Variants in CRACD observed in about 807,000 individuals in gnomAD.
CRACD encodes the protein capping protein-inhibiting regulator of actin dynamics.
Under a neutral mutation model 106.8 loss-of-function variants are expected in CRACD, and 56 were observed. The observed-to-expected ratio is 0.52, with a 90% confidence interval of 0.42 to 0.66. The LOEUF (loss-of-function observed/expected upper bound fraction) is 0.66. Ranked by LOEUF, CRACD falls within the 30% of genes least tolerant of loss-of-function variation. The pLI is 0.00. For synonymous variants in CRACD, 754 were observed against 670.8 expected (o/e 1.12, Z -1.92); for missense variants, 1,730 against 1,623.2 (o/e 1.07, Z -1.13).
Position 56,316,415 on chromosome 4 carries a change from C to G in CRACD, c.2913C>G (p.Thr971=). 6.2e-7 allele frequency: 1 copy of G among 1,614,138 alleles called. No homozygotes were observed. Among genetic ancestry groups the G allele is most frequent in the Non-Finnish European group, 8.5e-7 (1 of 1,179,966 alleles). Residue 971 remains threonine, a synonymous_variant, in exon 8 of 11, where the codon ACC becomes ACG. Coordinates refer to ENST00000682029, the MANE Select transcript of CRACD (RefSeq NM_001393381.1). ...TGGCTCCCAAGCCCACCAGTCAGAC[C>G]CCACCAGCATCCCCACTTTCCAAAC... ...PALAPKPTSQ[T]PPASPLSKLS...
At chr4:56,262,902 TATAG>T (rs1207975022) in intron 2 of CRACD, among the ~76,000 whole-genome samples, 2 of 152,328 alleles carry the variant, frequency 1.3e-5, no homozygotes, top group East Asian at 3.9e-4. Flanking sequence ...AATATACCTG[TATAG>T]AGTTGTAAAA....
intron 8 of CRACD, among the ~76,000 whole-genome samples, chr4:56,318,878 TACTTAC>T (rs1413519742): frequency 2.0e-5 from 3 of 152,236 alleles, no homozygotes; most frequent in Non-Finnish European, 4.4e-5. Flanking sequence ...GCACCAGCTA[TACTTAC>T]ACTTAACAAC....
chr4:56,085,798 A>G (rs1733198481), intron 1 of CRACD, among the ~76,000 whole-genome samples: 1 of 152,122 alleles, frequency 6.6e-6, no homozygotes. Flanking sequence ...TGAACTGACA[A>G]TTTTTAGATA....
At chr4:56,108,979 A>G (rs370478158) in intron 1 of CRACD, among the ~76,000 whole-genome samples, 1,589 of 152,266 alleles carry the variant, frequency 0.01, 19 homozygotes, top group East Asian at 0.065. Flanking sequence ...GGCCTGGATA[A>G]TATCCAGCCT....
chr4:56,147,471 C>A (rs1173578141), intron 1 of CRACD, among the ~76,000 whole-genome samples: 1 of 152,162 alleles, frequency 6.6e-6, no homozygotes, highest in Non-Finnish European at 1.5e-5. Context: ...GACCTACATT[C>A]TGTCTGTATG....
chr4:56,266,782 A>G (rs1742046879), intron 2 of CRACD, among the ~76,000 whole-genome samples: 1 of 152,202 alleles, frequency 6.6e-6, no homozygotes, highest in Admixed American at 6.5e-5. Flanking sequence ...AGCATCATAA[A>G]CTGACCATAA....
At position 56,316,500 on chromosome 4, in the gene CRACD, C is replaced by T. The variant is rs1333990857; in HGVS notation, c.2998C>T (p.Pro1000Ser). ...SRRAGRPDPE[P>S]SEPSKEDQES... ...CCGAGCGGGGAGGCCGGACCCAGAG[C>T]CAAGTGAGCCGTCCAAGGAGGACCA... is the stretch of plus-strand genomic sequence containing the variant. The change falls in exon 8 of 11, where the codon CCA becomes TCA. Residue 1000 changes from proline (P) to serine (S), a missense_variant. By Grantham distance (74) the Pro-to-Ser change is moderately conservative. Coordinates refer to ENST00000682029, the MANE Select transcript of CRACD (RefSeq NM_001393381.1). 1 of 1,613,644 alleles carries T rather than the reference C, an allele frequency of 6.2e-7. No homozygotes were observed. The highest frequency in any genetic ancestry group is 1.3e-5 in the African/African-American group (1 of 74,926).
rs11305512 is a variant in CRACD, at chr4:56,088,132, C to CT, written c.-336+38850dup. ...GCTCCTCCATCTCTCTAGATTGTTT[C>CT]TTTTTTTTTTTTTTTTTCTTTTCAG... On this transcript the variant is annotated intron_variant, in intron 1 of 10. Transcript: ENST00000682029. Among the ~76,000 whole-genome samples, 244 of 131,912 alleles carry CT rather than the reference C, an allele frequency of 1.8e-3. 2 individuals are homozygous for CT. Among genetic ancestry groups the CT allele is most frequent in the Admixed American group, 4.4e-3 (58 of 13,320 alleles). 86.5% of individuals were successfully genotyped at this position (131,912 alleles called of 152,430 possible).
intron 3 of CRACD, among the ~76,000 whole-genome samples, chr4:56,291,257 A>G (rs1264584953): frequency 6.6e-6 from 1 of 152,204 alleles, no homozygotes; most frequent in Non-Finnish European, 1.5e-5. Flanking sequence ...GGAGAGGTGG[A>G]GTTGGCCTGC....
chr4:56,106,640 C>T (rs1733956417), intron 1 of CRACD, among the ~76,000 whole-genome samples: 1 of 152,220 alleles, frequency 6.6e-6, no homozygotes, highest in Non-Finnish European at 1.5e-5. Flanking sequence ...AAGCAAATAG[C>T]AGACCGGCTT....
At chr4:56,140,734 G>A (rs1470325821) in intron 1 of CRACD, among the ~76,000 whole-genome samples, 1 of 152,176 alleles carries the variant, frequency 6.6e-6, no homozygotes, top group Non-Finnish European at 1.5e-5. Flanking sequence ...CTTTTGCCCT[G>A]TCCATCAGGT....
chr4:56,059,832 C>T (rs138864112), intron 1 of CRACD, among the ~76,000 whole-genome samples: 1,645 of 152,094 alleles, frequency 0.011, 30 homozygotes, highest in African/African-American at 0.037. Context: ...TACAGGCATG[C>T]GCCACCACAC....
intron 1 of CRACD, among the ~76,000 whole-genome samples, chr4:56,121,069 A>G (rs1247974986): frequency 6.6e-6 from 1 of 152,196 alleles, no homozygotes; most frequent in Admixed American, 6.5e-5. Context: ...TATAACCTGG[A>G]CTGGATCATT....
At chr4:56,166,055 G>T (rs962071574) in intron 1 of CRACD, among the ~76,000 whole-genome samples, 6 of 152,024 alleles carry the variant, frequency 3.9e-5, no homozygotes, top group Admixed American at 1.3e-4. Context: ...GTAGAGATGG[G>T]TTTTTTTCTA....
intron 2 of CRACD, among the ~76,000 whole-genome samples, chr4:56,197,844 AT>A (rs1222389243): frequency 6.6e-6 from 1 of 151,964 alleles, no homozygotes; most frequent in South Asian, 2.1e-4. Flanking sequence ...CGCCCGGCTA[AT>A]TTTTTGTATT....
chr4:56,224,622 A>G (rs1739202782), intron 2 of CRACD, among the ~76,000 whole-genome samples: 1 of 152,200 alleles, frequency 6.6e-6, no homozygotes, highest in Non-Finnish European at 1.5e-5. Flanking sequence ...GTTGGCATGG[A>G]TGTGGTGAAA....
intron 2 of CRACD, chr4:56,246,621 C>A (rs1393475932): frequency 6.6e-6 from 1 of 152,202 alleles, no homozygotes; most frequent in Non-Finnish European, 1.5e-5. Context: ...ATGCACACTC[C>A]CATGGCATGG....
At chr4:56,066,454 G>A (rs1259606231) in intron 1 of CRACD, among the ~76,000 whole-genome samples, 3 of 152,110 alleles carry the variant, frequency 2.0e-5, no homozygotes, top group African/African-American at 7.2e-5. Context: ...GGGGTGGGAG[G>A]ATCACTTAAG....
chr4:56,272,148 G>A (rs1436511477), intron 2 of CRACD, among the ~76,000 whole-genome samples, 173 bp from the exon 3 acceptor site: 2 of 152,330 alleles, frequency 1.3e-5, no homozygotes, highest in African/African-American at 2.4e-5. Flanking sequence ...TGCATGGATC[G>A]CGCTGGGGCT....
Sources: allele counts gnomAD v4.1 joint callset (sites outside exome capture counted in the v4.1 genomes callset), GRCh38; gene constraint gnomAD v4.1.1; transcripts MANE v1.5; gene names NCBI Gene and HGNC (gene_info 2026-07-23, HGNC 2026-07-21).